The following NETO1 variants were observed in gnomAD, a reference collection of about 807,000 sequenced individuals.
NETO1 encodes the protein neuropilin and tolloid like 1, also known as neuropilin and tolloid-like protein 1.
Under a neutral mutation model 61.3 loss-of-function variants are expected in NETO1, and 26 were observed. The ratio of observed to expected loss-of-function variants is 0.42; its 90% CI spans 0.31 to 0.59. The LOEUF (loss-of-function observed/expected upper bound fraction) is 0.59, where lower values mean the gene tolerates loss of function less well. Among genes scored for constraint, NETO1 ranks in the 20% least tolerant of loss-of-function variants. The pLI is 0.12. For missense variants in NETO1, 531 were observed against 662.8 expected, an observed-to-expected ratio of 0.80 and a Z score of 2.18; for synonymous variants, 225 against 225.8, an observed-to-expected ratio of 1.00 and a Z score of 0.03.
At chr18:72,789,210 G>A (rs1051787366) in intron 6 of NETO1, among the ~76,000 whole-genome samples, 4 of 141,460 alleles carry the variant, frequency 2.8e-5, no homozygotes, top group Admixed American at 7.1e-5. Flanking sequence ...TAACACACAA[G>A]CACACACACA....
rs535068462 is a variant in NETO1, at chr18:72,830,528, G to A, written c.469+28298C>T. 5.3e-5 allele frequency among the ~76,000 whole-genome samples: 8 copies of A among 152,246 alleles called. No homozygotes were observed. Among genetic ancestry groups the A allele is most frequent in the Non-Finnish European group, 8.8e-5 (6 of 68,012 alleles). On this transcript the variant is annotated intron_variant, in intron 4 of 10. Coordinates refer to ENST00000327305, the MANE Select transcript of NETO1 (RefSeq NM_138966.5). This position sits in a 1 kb window ranked among gnomAD's most constrained non-coding sequence, Gnocchi z 4.9. ...ACAATGATCATAAGGTCTGAGGGTT[G>A]GCTTACAATTCCTCAATGAACAGAT... is the stretch of plus-strand genomic sequence containing the variant.
intron 7 of NETO1, among the ~76,000 whole-genome samples, chr18:72,756,753 C>T (rs562852503): frequency 2.0e-5 from 3 of 151,972 alleles, no homozygotes; most frequent in Non-Finnish European, 4.4e-5. Flanking sequence ...GTATTTCATA[C>T]ATTCTAGTGA....
downstream of NETO1, among the ~76,000 whole-genome samples, chr18:72,743,497 G>T (rs2070372193): frequency 6.6e-6 from 1 of 152,130 alleles, no homozygotes; most frequent in African/African-American, 2.4e-5. Context: ...GATGAAGGAG[G>T]TAACCAGGGC....
chr18:72,757,437 G>A (rs1347488151), intron 7 of NETO1, among the ~76,000 whole-genome samples: 2 of 151,400 alleles, frequency 1.3e-5, no homozygotes, highest in Non-Finnish European at 2.9e-5. Flanking sequence ...CCAAAAGTAA[G>A]GCAAAGAAAT....
At chr18:72,821,336 A>T (rs1393785705) in intron 4 of NETO1, among the ~76,000 whole-genome samples, 1 of 150,292 alleles carries the variant, frequency 6.7e-6, no homozygotes, top group East Asian at 2.0e-4. Flanking sequence ...TGAGGTCGGG[A>T]GTTCGAGACC....
In NETO1 at chr18:72,750,144, C is replaced by A; in HGVS notation, c.1459G>T (p.Ala487Ser). Reference protein sequence around the residue: ...VMKHSYSQDAADACDIDEIEE... With the variant: ...VMKHSYSQDASDACDIDEIEE... ...ATTTCATCTATGTCACAGGCATCTG[C>A]AGCATCTTGCGAGTAGCTGTGTTTC... Residue 487 changes from alanine to serine, a missense_variant, in exon 9 of 11, where the codon GCA (alanine) becomes TCA (serine). Physicochemically the swap from Ala to Ser is moderately conservative, Grantham distance 99. Transcript: ENST00000327305. 1 of 1,613,850 alleles carries A rather than the reference C, an allele frequency of 6.2e-7. No homozygotes were observed. Among genetic ancestry groups the A allele is most frequent in the Non-Finnish European group, 8.5e-7 (1 of 1,179,922 alleles).
At chr18:72,854,474 T>C (rs1325839565) in intron 4 of NETO1, among the ~76,000 whole-genome samples, 2 of 152,120 alleles carry the variant, frequency 1.3e-5, no homozygotes, top group Admixed American at 1.3e-4. Flanking sequence ...AAGTAAATTA[T>C]AAGACCAACA....
chr18:72,865,148 ATTCGAGGTCT>A (rs1303214178), intron 2 of NETO1, 30 bp downstream of exon 2: 3 of 1,581,412 alleles, frequency 1.9e-6, no homozygotes, highest in Non-Finnish European at 2.6e-6. Flanking sequence ...ATACAAAATA[ATTCGAGGTCT>A]TCCACTAGCA....
rs564497463 is a variant in NETO1, at chr18:72,824,207, C to G, written c.470-29803G>C. ...GTTTTGATCTCAGTAAATAGAGCTC[C>G]CAGAATTCCTAAATTTAGTGGGTAC... On this transcript the variant is annotated intron_variant, in intron 4 of 10. Coordinates refer to ENST00000327305, the MANE Select transcript of NETO1 (RefSeq NM_138966.5). Among the ~76,000 whole-genome samples, 44 of 152,270 alleles carry G rather than the reference C, an allele frequency of 2.9e-4. No homozygotes were observed. The South Asian group carries it at 8.7e-3, about 30-fold the overall frequency.
rs1225737264 is a variant in NETO1 at position 72,858,798 on chromosome 18, G to A, written c.469+28C>T. ...AAGATAGAAAAATGAGGAAGAAAAA[G>A]AAATTTTTTTTTTAAGTACTTACTT... is the stretch of plus-strand genomic sequence containing the variant. On this transcript the variant is annotated intron_variant, in intron 4 of 10. Coordinates refer to ENST00000327305, the MANE Select transcript of NETO1 (RefSeq NM_138966.5). The A allele has an allele frequency of 1.9e-6, 3 of 1,565,532 alleles. No homozygotes were observed. In the Admixed American group the frequency reaches 6.1e-5, roughly 32 times the overall value.
In NETO1 at chr18:72,812,074, G is replaced by A. The variant is rs17086351; in HGVS notation, c.470-17670C>T. On this transcript the variant is annotated intron_variant, in intron 4 of 10. Coordinates refer to ENST00000327305, the MANE Select transcript of NETO1 (RefSeq NM_138966.5). ...GTGTGATGCTAACATCTTCATTGAGGAACAACTGTGGGTAAAACTTCCCTA... is the reference window on the plus strand; with the variant it reads ...GTGTGATGCTAACATCTTCATTGAGAAACAACTGTGGGTAAAACTTCCCTA... Among the ~76,000 whole-genome samples the A allele has an allele frequency of 9.0e-3, 1,369 of 152,288 alleles. 30 individuals carry two copies. The highest frequency in any genetic ancestry group is 0.049 in the East Asian group (254 of 5,172).
chr18:72,861,473 T>A (rs1398627212), intron 3 of NETO1, among the ~76,000 whole-genome samples: 2 of 152,256 alleles, frequency 1.3e-5, no homozygotes, highest in Non-Finnish European at 2.9e-5. Flanking sequence ...ACAGCTGCCC[T>A]TCCTTTTAAC....
intron 4 of NETO1, among the ~76,000 whole-genome samples, chr18:72,807,741 CACACACACACA>C (rs1446412746): frequency 1.4e-4 from 9 of 64,678 alleles, no homozygotes; most frequent in Middle Eastern, 7.5e-3. Context: ...CACACACACA[CACACACACACA>C]CACCCATACT....
chr18:72,784,424 T>A (rs971447566), intron 6 of NETO1, among the ~76,000 whole-genome samples: 3 of 152,216 alleles, frequency 2.0e-5, no homozygotes, highest in African/African-American at 7.2e-5. Context: ...TGAGTCGAAG[T>A]ATAATTTTTT....
At chr18:72,843,278 AGAGAGAAT>A (rs1391965846) in intron 4 of NETO1, among the ~76,000 whole-genome samples, 10 of 152,212 alleles carry the variant, frequency 6.6e-5, no homozygotes, top group Non-Finnish European at 1.3e-4. Context: ...AAATCCTAGC[AGAGAGAAT>A]CAAACAACAG....
chr18:72,788,682 A>G (rs890979059), intron 6 of NETO1, among the ~76,000 whole-genome samples: 2 of 152,160 alleles, frequency 1.3e-5, no homozygotes, highest in African/African-American at 4.8e-5. Context: ...TGGAGCTGAC[A>G]AGATAATTTA....
intron 4 of NETO1, 129 bp downstream of exon 4, chr18:72,858,697 T>C (rs2074478279): frequency 1.1e-6 from 1 of 932,756 alleles, no homozygotes; most frequent in Admixed American, 3.0e-5. Context: ...AAAAGCACTG[T>C]AGATTTGGTT....
chr18:72,854,848 T>C (rs1234975429), intron 4 of NETO1, among the ~76,000 whole-genome samples: 1 of 152,180 alleles, frequency 6.6e-6, no homozygotes, highest in East Asian at 1.9e-4. Flanking sequence ...ATTAAAGCAT[T>C]ATCAATAAAG....
intron 4 of NETO1, among the ~76,000 whole-genome samples, chr18:72,820,195 A>G (rs1193837495): frequency 6.6e-6 from 1 of 152,258 alleles, no homozygotes; most frequent in East Asian, 1.9e-4. Flanking sequence ...ATTTATATAT[A>G]GACAATGAGA....
Sources: allele counts gnomAD v4.1 joint callset (sites outside exome capture counted in the v4.1 genomes callset), GRCh38; gene constraint gnomAD v4.1.1; non-coding constraint Gnocchi (gnomAD v3.1); transcripts MANE v1.5; gene names NCBI Gene and HGNC (gene_info 2026-07-23, HGNC 2026-07-21).